MAGI3: variants seen among roughly 807,000 people sequenced by gnomAD.
MAGI3 encodes membrane associated guanylate kinase, WW and PDZ domain containing 3.
Under a neutral mutation model 121.8 loss-of-function variants are expected in MAGI3, and 43 were observed. That is an observed-to-expected ratio of 0.35 (90% confidence interval 0.28 to 0.46). The LOEUF (loss-of-function observed/expected upper bound fraction) is 0.46. MAGI3 is among the 20% of genes least tolerant of loss of function. The pLI is 1.00. For synonymous variants in MAGI3, 553 were observed against 639.3 expected (o/e 0.86, Z 2.04); for missense variants, 1,547 against 1,797.3 (o/e 0.86, Z 2.52).
At chr1:113,445,359 C>CA (rs1654125101) in intron 1 of MAGI3, among the ~76,000 whole-genome samples, 2 of 152,082 alleles carry the variant, frequency 1.3e-5, no homozygotes, top group Non-Finnish European at 2.9e-5. Flanking sequence ...CCCAGCTACT[C>CA]AGGAGGCTGA....
At chr1:113,610,155 A>G (rs2101767977) in intron 6 of MAGI3, among the ~76,000 whole-genome samples, 1 of 151,988 alleles carries the variant, frequency 6.6e-6, no homozygotes, top group Middle Eastern at 3.4e-3. Flanking sequence ...TTGTTTTGAG[A>G]CAGAGTCTTG....
intron 1 of MAGI3, among the ~76,000 whole-genome samples, chr1:113,493,271 A>G (rs1014920705): frequency 2.6e-5 from 4 of 152,218 alleles, no homozygotes; most frequent in Non-Finnish European, 5.9e-5. Context: ...AACAAACCTG[A>G]CACAAACAAG....
At chr1:113,588,337 A>G (rs978463722) in intron 4 of MAGI3, among the ~76,000 whole-genome samples, 14 of 152,322 alleles carry the variant, frequency 9.2e-5, no homozygotes, top group South Asian at 6.2e-4. Flanking sequence ...GTTGGATACA[A>G]TGTGGACAAT....
intron 2 of MAGI3, among the ~76,000 whole-genome samples, chr1:113,553,580 G>C (rs909453705): frequency 6.6e-6 from 1 of 152,168 alleles, no homozygotes; most frequent in South Asian, 2.1e-4. Flanking sequence ...GGCTAAAATA[G>C]TCAGATAAAG....
chr1:113,537,700 T>G (rs752335661), intron 1 of MAGI3, among the ~76,000 whole-genome samples: 4 of 152,196 alleles, frequency 2.6e-5, no homozygotes, highest in Non-Finnish European at 5.9e-5. Context: ...GTTGATAACG[T>G]TTTTAAGAGA....
chr1:113,551,367 T>C (rs1659780995), intron 2 of MAGI3, among the ~76,000 whole-genome samples: 1 of 152,192 alleles, frequency 6.6e-6, no homozygotes, highest in South Asian at 2.1e-4. Flanking sequence ...TTCTCAGCAC[T>C]ATAGGAAAGG....
intron 6 of MAGI3, among the ~76,000 whole-genome samples, chr1:113,611,088 C>CTTT (rs139111390): frequency 2.9e-5 from 4 of 137,204 alleles, no homozygotes; most frequent in Non-Finnish European, 1.6e-5. Flanking sequence ...CATAATTATT[C>CTTT]TTTTTTTTTT....
intron 2 of MAGI3, among the ~76,000 whole-genome samples, chr1:113,559,277 A>C (rs571006415): frequency 6.6e-6 from 1 of 152,262 alleles, no homozygotes; most frequent in Non-Finnish European, 1.5e-5. Flanking sequence ...TAAAGAGTCA[A>C]GATCCATCAA....
chr1:113,542,983 C>T lies in MAGI3; in HGVS notation c.317-6532C>T, dbSNP rs1359250122. Among the ~76,000 whole-genome samples the T allele has an allele frequency of 1.2e-4, 18 of 152,032 alleles. 1 individual carries two copies. Among genetic ancestry groups the T allele is most frequent in the Admixed American group, 1.2e-3 (18 of 15,252 alleles). On this transcript the variant is annotated intron_variant, in intron 1 of 20. Coordinates refer to ENST00000307546, the MANE Select transcript of MAGI3 (RefSeq NM_001142782.2). ...CTATAAAATGGGAATAATAATAACACCTACTTCAAAGGTTATCATGAGGAG... is the reference window on the plus strand; with the variant it reads ...CTATAAAATGGGAATAATAATAACATCTACTTCAAAGGTTATCATGAGGAG...
chr1:113,400,548 A>G (rs1024579714), intron 1 of MAGI3, among the ~76,000 whole-genome samples: 3 of 152,152 alleles, frequency 2.0e-5, no homozygotes, highest in Non-Finnish European at 4.4e-5. Flanking sequence ...ACTTTAGACC[A>G]TATTTGGAAA....
chr1:113,670,836 C>G (rs1048410043), intron 16 of MAGI3, among the ~76,000 whole-genome samples: 3 of 152,246 alleles, frequency 2.0e-5, no homozygotes, highest in Non-Finnish European at 2.9e-5. Context: ...CAAGAACACA[C>G]AGCTAGTAAA....
At chr1:113,609,646 A>T (rs566874017) in intron 6 of MAGI3, among the ~76,000 whole-genome samples, 6 of 152,316 alleles carry the variant, frequency 3.9e-5, no homozygotes, top group Non-Finnish European at 7.4e-5. Context: ...GAGAATGATT[A>T]AAAAAATTAT....
chr1:113,545,829 G>A (rs1042447131), intron 1 of MAGI3, among the ~76,000 whole-genome samples: 5 of 150,522 alleles, frequency 3.3e-5, no homozygotes, highest in African/African-American at 1.2e-4. Flanking sequence ...GCTATGTTAA[G>A]AATGCTAACG....
intron 6 of MAGI3, among the ~76,000 whole-genome samples, chr1:113,605,841 G>A (rs1168963214): frequency 2.0e-5 from 3 of 152,050 alleles, no homozygotes; most frequent in Admixed American, 6.6e-5. Flanking sequence ...CTCGTGATCC[G>A]CCTGCCTCGG....
chr1:113,643,765 T>C lies in MAGI3; in HGVS notation c.1989T>C (p.Thr663=). 13 of 1,613,906 alleles carry C rather than the reference T, an allele frequency of 8.1e-6. No individual in the cohort carries two copies. Among genetic ancestry groups the C allele is most frequent in the Non-Finnish European group, 1.1e-5 (13 of 1,179,854 alleles). ...LRGGPPSPTK[T]AKMKTDKKEN... is the part of the protein sequence containing the mutation. Reference sequence around the variant, plus strand: ...AAGGTCCTCCTTCACCAACCAAAACTGCCAAAATGGTGAGTATACACTGGT... The same window carrying C: ...AAGGTCCTCCTTCACCAACCAAAACCGCCAAAATGGTGAGTATACACTGGT... The change falls in exon 11 of 21, where the codon ACT becomes ACC. Residue 663 remains threonine (T), a synonymous_variant. Transcript: ENST00000307546.
At chr1:113,594,425 A>T (rs1410607184) in intron 5 of MAGI3, 56 bp from the exon 6 acceptor site, 1 of 1,386,770 alleles carries the variant, frequency 7.2e-7, no homozygotes, top group Non-Finnish European at 1.0e-6. Context: ...TTTACTTTTG[A>T]AATAATTTTC....
Position 113,585,584 on chromosome 1 carries a change from A to C in MAGI3, c.751A>C (p.Ser251Arg). ...EDEDKEAING[S>R]GNAENRERHS... ...TGAGGACAAGGAAGCTATTAATGGC[A>C]GTGGAAACGCAGGTTTGTAAATAGA... The change falls in exon 4 of 21, where the codon AGT becomes CGT. Residue 251 changes from serine (S) to arginine (R), a missense_variant. Transcript: ENST00000307546. The C allele has an allele frequency of 6.2e-7, 1 of 1,613,192 alleles. No homozygotes were observed.
intron 19 of MAGI3, among the ~76,000 whole-genome samples, chr1:113,677,059 G>A (rs1015821655): frequency 6.6e-6 from 1 of 152,070 alleles, no homozygotes; most frequent in African/African-American, 2.4e-5. Context: ...AACAAGAAAT[G>A]TTAATTTGTA....
At chr1:113,411,398 G>A (rs941312304) in intron 1 of MAGI3, among the ~76,000 whole-genome samples, 5 of 151,768 alleles carry the variant, frequency 3.3e-5, no homozygotes, top group Non-Finnish European at 7.4e-5. Context: ...ACTTCTGATA[G>A]TATTAGTAGG....
Sources: allele counts gnomAD v4.1 joint callset (sites outside exome capture counted in the v4.1 genomes callset), GRCh38; gene constraint gnomAD v4.1.1; transcripts MANE v1.5; gene names NCBI Gene and HGNC (gene_info 2026-07-23, HGNC 2026-07-21).